ATXN2: variants seen among roughly 807,000 people sequenced by gnomAD.
The protein encoded by ATXN2 is ataxin 2, also known as ataxin-2.
In ATXN2, 37 loss-of-function variants were observed where a neutral mutation model predicts 138.6. The ratio of observed to expected loss-of-function variants is 0.27; its 90% CI spans 0.21 to 0.35. The LOEUF (loss-of-function observed/expected upper bound fraction) is 0.35. Among genes scored for constraint, ATXN2 ranks in the 10% least tolerant of loss-of-function variants. ATXN2 has a pLI of 1.00. For synonymous variants in ATXN2, 549 were observed against 543.7 expected (o/e 1.01, Z -0.13); for missense variants, 1,216 against 1,480.3 (o/e 0.82, Z 2.93).
At chr12:111,592,066 C>A (rs1164390063) in intron 1 of ATXN2, among the ~76,000 whole-genome samples, 4 of 127,744 alleles carry the variant, frequency 3.1e-5, no homozygotes, top group Admixed American at 8.2e-5. Flanking sequence ...TGGGAAAGAG[C>A]AAAACTGTCT....
intron 23 of ATXN2, chr12:111,455,206 T>C: frequency 7.2e-6 from 5 of 690,020 alleles, no homozygotes; most frequent in South Asian, 3.0e-5. Flanking sequence ...CAGAGACATC[T>C]AATACAGCCA....
At chr12:111,555,735 C>A in intron 2 of ATXN2, 148 bp downstream of exon 2, 1 of 616,724 alleles carries the variant, frequency 1.6e-6, no homozygotes, top group South Asian at 2.2e-5. Flanking sequence ...TAAAAAAACA[C>A]ATATAGGCTA....
intron 21 of ATXN2, among the ~76,000 whole-genome samples, chr12:111,459,144 T>C (rs886658262): frequency 2.0e-5 from 3 of 152,174 alleles, no homozygotes; most frequent in Admixed American, 2.0e-4. Context: ...ACAAGAAAAC[T>C]GTGGCAACAT....
chr12:111,485,821 T>G lies in ATXN2; in HGVS notation c.2349A>C (p.Gln783His). Residue 783 changes from glutamine to histidine, a missense_variant, in exon 17 of 25, where the codon CAA becomes CAC. Gln to His is a conservative substitution (Grantham distance 24). Transcript: ENST00000673436. Reference sequence around the variant, plus strand: ...GATGACCCACCATAGATGGGCTAGGTTGTGCTTGAGGCCGAGGTGAAGTTG... The same window carrying G: ...GATGACCCACCATAGATGGGCTAGGGTGTGCTTGAGGCCGAGGTGAAGTTG... ...TTPTSPRPQAQPSPSMVGHQQ... is the reference protein window; with the variant it reads ...TTPTSPRPQAHPSPSMVGHQQ... The G allele has an allele frequency of 1.2e-6, 2 of 1,614,148 alleles. No individual in the cohort carries two copies. Among genetic ancestry groups the G allele is most frequent in the Non-Finnish European group, 1.7e-6 (2 of 1,180,014 alleles).
At chr12:111,512,674 T>G (rs1486183378) in intron 11 of ATXN2, 3 of 152,084 alleles carry the variant, frequency 2.0e-5, no homozygotes, top group Non-Finnish European at 2.9e-5. Context: ...GCCAGGATGG[T>G]CTCGATCTCC....
chr12:111,478,281 C>T (rs1460333198), intron 18 of ATXN2, among the ~76,000 whole-genome samples: 1 of 152,084 alleles, frequency 6.6e-6, no homozygotes, highest in Non-Finnish European at 1.5e-5. Flanking sequence ...TGGCGCATGC[C>T]TGTAATCCCA....
rs1471452143 is a variant in ATXN2, at chr12:111,552,520, T to TA, written c.421-91dup. On this transcript the variant is annotated intron_variant, in intron 4 of 24. Transcript: ENST00000673436. The surrounding 1 kb of genome is among the most constrained non-coding windows in gnomAD (Gnocchi z 4.1). ...TAGCTCATCAAGGTACCAGTTCTTATATGCCTTTGACAAAAATAATCTCAA... is the reference window on the plus strand; with the variant it reads ...TAGCTCATCAAGGTACCAGTTCTTATAATGCCTTTGACAAAAATAATCTCAA... 18 of 1,337,324 alleles carry TA rather than the reference T, an allele frequency of 1.3e-5. No homozygotes were observed. The highest frequency in any genetic ancestry group is 1.8e-5 in the Non-Finnish European group (18 of 992,374). The allele number at this position is 1,337,324 out of a possible 1,614,324, so 82.8% of individuals were successfully genotyped here.
chr12:111,592,007 G>A (rs902637746), intron 1 of ATXN2, among the ~76,000 whole-genome samples: 5 of 151,696 alleles, frequency 3.3e-5, no homozygotes, highest in East Asian at 1.9e-4. Flanking sequence ...GCTTGAACCC[G>A]GGAAACAGAG....
intron 10 of ATXN2, among the ~76,000 whole-genome samples, chr12:111,514,469 C>A (rs749563243): frequency 7.2e-5 from 11 of 152,278 alleles, no homozygotes; most frequent in Non-Finnish European, 7.4e-5. Flanking sequence ...CTCTCTCACC[C>A]GGCTGCCAAA....
At chr12:111,485,444 T>G in intron 17 of ATXN2, 113 bp from the exon 18 acceptor site, 1 of 1,083,260 alleles carries the variant, frequency 9.2e-7, no homozygotes, top group Non-Finnish European at 1.3e-6. Context: ...GTTTCCTGAT[T>G]CTCCATTAGT....
At chr12:111,549,379 A>C (rs1451331084) in intron 5 of ATXN2, among the ~76,000 whole-genome samples, 2 of 152,066 alleles carry the variant, frequency 1.3e-5, no homozygotes, top group Non-Finnish European at 2.9e-5. Flanking sequence ...TACAAACAAA[A>C]AAAAAAATTA....
intron 1 of ATXN2, among the ~76,000 whole-genome samples, chr12:111,573,665 C>T (rs573474636): frequency 2.0e-5 from 3 of 152,152 alleles, no homozygotes; most frequent in Non-Finnish European, 4.4e-5. Context: ...TCCATCACTT[C>T]CTCATCTGTA....
chr12:111,583,596 G>A (rs1861611562), intron 1 of ATXN2, among the ~76,000 whole-genome samples: 2 of 151,194 alleles, frequency 1.3e-5, no homozygotes, highest in South Asian at 2.1e-4. Flanking sequence ...CGAAAACCCC[G>A]TCTCTACTAA....
chr12:111,490,230 AG>A (rs1253520796), intron 14 of ATXN2, among the ~76,000 whole-genome samples: 4 of 151,458 alleles, frequency 2.6e-5, no homozygotes, highest in Admixed American at 6.6e-5. Context: ...AAAAAAAAAA[AG>A]TTTTAAAAAG....
chr12:111,580,632 T>A (rs1289004394), intron 1 of ATXN2, among the ~76,000 whole-genome samples: 84 of 117,692 alleles, frequency 7.1e-4, no homozygotes, highest in Non-Finnish European at 8.7e-4. Context: ...GGAGACCCTG[T>A]CTCTTAGGAA....
intron 5 of ATXN2, among the ~76,000 whole-genome samples, chr12:111,532,065 T>G (rs1015439270): frequency 6.6e-6 from 1 of 152,196 alleles, no homozygotes; most frequent in Non-Finnish European, 1.5e-5. Flanking sequence ...ACATAATAAT[T>G]TGAAGCCTGG....
chr12:111,586,685 C>T (rs1456356973), intron 1 of ATXN2, among the ~76,000 whole-genome samples: 1 of 151,386 alleles, frequency 6.6e-6, no homozygotes, highest in Non-Finnish European at 1.5e-5. Flanking sequence ...CACGCCCGGC[C>T]CTTTTTCTGT....
intron 12 of ATXN2, 23 bp from the exon 13 acceptor site, chr12:111,510,021 A>T (rs768495609): frequency 6.6e-7 from 1 of 1,511,198 alleles, no homozygotes; most frequent in African/African-American, 1.4e-5. Flanking sequence ...TTTTTAAAAA[A>T]AATTCAGATA....
chr12:111,557,631 T>A (rs1882461062), intron 1 of ATXN2, among the ~76,000 whole-genome samples: 2 of 152,204 alleles, frequency 1.3e-5, no homozygotes, highest in African/African-American at 4.8e-5. Flanking sequence ...ATCCAGTTCA[T>A]GAGCAGTAGA....
Sources: gnomAD v4.1 joint callset for allele counts (sites outside exome capture counted in the v4.1 genomes callset) on GRCh38, gnomAD v4.1.1 for gene constraint, Gnocchi (gnomAD v3.1) non-coding constraint, MANE v1.5 for transcripts, NCBI Gene and HGNC (gene_info 2026-07-23, HGNC 2026-07-21) for gene names.